Variants in TRIM55 observed in about 807,000 individuals in gnomAD.
The protein encoded by TRIM55 is tripartite motif-containing protein 55.
TRIM55 carries 50 observed loss-of-function variants against 60.9 expected under a neutral mutation model. The observed-to-expected ratio is 0.82, with a 90% CI of 0.65 to 1.04. The LOEUF is 1.04. TRIM55 is among the 50% of genes least tolerant of loss of function. The pLI, the probability that TRIM55 is intolerant of heterozygous loss-of-function variation, is 0.00. For synonymous variants in TRIM55, 237 were observed against 238.1 expected, an observed-to-expected ratio of 1.00 and a Z score of 0.04; for missense variants, 681 against 666.9, an observed-to-expected ratio of 1.02 and a Z score of -0.23.
chr8:66,113,623 C>A, the TRIM55 span: 1 of 455,680 alleles, frequency 2.2e-6, no homozygotes, highest in Non-Finnish European at 4.4e-6. Flanking sequence ...ATTCGCCCTG[C>A]GGGAACGTGT....
intron 3 of TRIM55, among the ~76,000 whole-genome samples, chr8:66,136,246 T>A (rs796833122): frequency 1.3e-5 from 2 of 152,204 alleles, no homozygotes; most frequent in African/African-American, 4.8e-5. Context: ...TCATGTGAGA[T>A]GGACAGAAGA....
chr8:66,163,783 T>A (rs1007330289), intron 9 of TRIM55, among the ~76,000 whole-genome samples: 10 of 152,258 alleles, frequency 6.6e-5, no homozygotes, highest in Non-Finnish European at 1.3e-4. Context: ...ACCTGTCAAT[T>A]AAGGCAGTTG....
chr8:66,143,350 A>G (rs1269565883), intron 4 of TRIM55, among the ~76,000 whole-genome samples: 1 of 152,226 alleles, frequency 6.6e-6, no homozygotes, highest in East Asian at 1.9e-4. Flanking sequence ...TGTCGATGAC[A>G]CAAGACTTGC....
Position 66,128,296 on chromosome 8 carries a change from A to C in TRIM55, c.169-8A>C. On this transcript the variant is annotated splice_polypyrimidine_tract_variant and splice_region_variant and intron_variant, in intron 1 of 9. Coordinates refer to ENST00000315962, the MANE Select transcript of TRIM55 (RefSeq NM_184085.2). ...CCCAATTCCTTTTTTCTTACTTGGC[A>C]AGAACAGGCCTCTAACCCGTATTTG... The C allele has an allele frequency of 6.4e-7, 1 of 1,570,976 alleles. No homozygotes were observed. Among genetic ancestry groups the C allele is most frequent in the Non-Finnish European group, 8.6e-7 (1 of 1,159,706 alleles).
chr8:66,116,074 T>C, the TRIM55 span, among the ~76,000 whole-genome samples: 1 of 152,056 alleles, frequency 6.6e-6, no homozygotes, highest in Non-Finnish European at 1.5e-5. Flanking sequence ...TATAAATATA[T>C]ATGGAAGTGC....
chr8:66,173,816 A>G (rs1367596055), intron 9 of TRIM55, among the ~76,000 whole-genome samples: 1 of 152,178 alleles, frequency 6.6e-6, no homozygotes, highest in Non-Finnish European at 1.5e-5. Flanking sequence ...CAACCTGTCT[A>G]TCTCAGGTGC....
chr8:66,118,574 G>A, the TRIM55 span, among the ~76,000 whole-genome samples: 31 of 152,270 alleles, frequency 2.0e-4, no homozygotes, highest in Non-Finnish European at 2.9e-4. Context: ...CAAAGGGATG[G>A]CAAGAATCTT....
At chr8:66,169,232 G>A (rs77999514) in intron 9 of TRIM55, among the ~76,000 whole-genome samples, 4,343 of 152,224 alleles carry the variant, frequency 0.029, 80 homozygotes, top group Non-Finnish European at 0.045. Context: ...GAAGAGGTGG[G>A]GTGAGATGCA....
intron 8 of TRIM55, 96 bp from the exon 9 acceptor site, chr8:66,153,951 A>G: frequency 1.6e-6 from 2 of 1,214,978 alleles, no homozygotes; most frequent in South Asian, 1.6e-5. Context: ...GGGAGCGCAC[A>G]GTGTTCAAAC....
intron 4 of TRIM55, among the ~76,000 whole-genome samples, chr8:66,147,956 C>T (rs1357231360): frequency 6.6e-6 from 1 of 152,080 alleles, no homozygotes; most frequent in African/African-American, 2.4e-5. Flanking sequence ...GAAAGCAATA[C>T]ATGACATAAA....
intron 9 of TRIM55, among the ~76,000 whole-genome samples, chr8:66,156,181 T>A (rs948383065): frequency 4.2e-4 from 64 of 152,192 alleles, no homozygotes; most frequent in Admixed American, 4.1e-3. Flanking sequence ...TGACTCCTCG[T>A]GGGATGATGT....
intron 2 of TRIM55, among the ~76,000 whole-genome samples, chr8:66,133,928 T>TACACAAACACACACACAC (rs1165157794): frequency 1.3e-5 from 2 of 151,998 alleles, no homozygotes; most frequent in Non-Finnish European, 2.9e-5. Context: ...TATACACACA[T>TACACAAACACACACACAC]ACACAAACAC....
the TRIM55 span, among the ~76,000 whole-genome samples, chr8:66,118,579 A>G: frequency 2.0e-5 from 3 of 152,204 alleles, no homozygotes; most frequent in African/African-American, 7.2e-5. Flanking sequence ...GGATGGCAAG[A>G]ATCTTTGTAT....
intron 9 of TRIM55, among the ~76,000 whole-genome samples, chr8:66,170,849 C>G (rs1480380625): frequency 6.6e-6 from 1 of 152,232 alleles, no homozygotes; most frequent in South Asian, 2.1e-4. Context: ...TTTGCACACT[C>G]CTGTTCAAGC....
chr8:66,158,190 C>G (rs1428199832), intron 9 of TRIM55, among the ~76,000 whole-genome samples: 1 of 144,878 alleles, frequency 6.9e-6, no homozygotes, highest in Non-Finnish European at 1.5e-5. Context: ...CACACACACA[C>G]ACACACACAC....
rs183240031 is a variant in TRIM55 at position 66,163,375 on chromosome 8, A to C, written c.1524+9041A>C. On this transcript the variant is annotated intron_variant, in intron 9 of 9. Coordinates refer to ENST00000315962, the MANE Select transcript of TRIM55 (RefSeq NM_184085.2). The stretch of plus-strand genomic sequence containing the variant: ...GGTTAAAGCTCTGATTATTGACATG[A>C]GATTTTTCTTGCTTTCTGATACAAG... 1.4e-4 allele frequency among the ~76,000 whole-genome samples: 22 copies of C among 152,210 alleles called. No individual in the cohort carries two copies. The East Asian group carries it at 3.3e-3, about 23-fold the overall frequency.
At chr8:66,137,253 C>A in intron 4 of TRIM55, 63 bp downstream of exon 4, 1 of 1,237,848 alleles carries the variant, frequency 8.1e-7, no homozygotes, top group Non-Finnish European at 1.2e-6. Context: ...TTTATGACTT[C>A]CTTAGTGCCA....
In TRIM55 at chr8:66,152,399, A is replaced by G. The variant is rs1353787664; in HGVS notation, c.1008A>G (p.Glu336=). The G allele has an allele frequency of 1.2e-6, 2 of 1,601,374 alleles. No individual in the cohort carries two copies. Among genetic ancestry groups the G allele is most frequent in the Non-Finnish European group, 8.5e-7 (1 of 1,173,054 alleles). The change falls in exon 8 of 10, where the codon GAA becomes GAG. Residue 336 remains glutamate (E), a synonymous_variant. Coordinates refer to ENST00000315962, the MANE Select transcript of TRIM55 (RefSeq NM_184085.2). ...FYREDEDEEE[E]EGGEGEKEGE... ...CAGAAGATGAAGATGAAGAAGAAGA[A>G]GAAGGCGGAGAAGGAGAAAAAGAAG... is the stretch of plus-strand genomic sequence containing the variant.
chr8:66,126,239 T>C (rs1808813157), upstream of TRIM55, among the ~76,000 whole-genome samples: 1 of 152,220 alleles, frequency 6.6e-6, no homozygotes, highest in African/African-American at 2.4e-5. Context: ...GATGACAAAA[T>C]AAAATAATAG....
Sources: gnomAD v4.1 joint callset for allele counts (sites outside exome capture counted in the v4.1 genomes callset) on GRCh38, gnomAD v4.1.1 for gene constraint, MANE v1.5 for transcripts, NCBI Gene and HGNC (gene_info 2026-07-23, HGNC 2026-07-21) for gene names.